EML6: variants seen among roughly 807,000 people sequenced by gnomAD.
The protein encoded by EML6 is echinoderm microtubule-associated protein-like 6.
EML6 carries 154 observed loss-of-function variants against 240.1 expected under a neutral mutation model. That is an observed-to-expected ratio of 0.64 (90% CI 0.56 to 0.73). The LOEUF (loss-of-function observed/expected upper bound fraction) is 0.73, where lower values mean the gene tolerates loss of function less well. Among genes scored for constraint, EML6 ranks in the 30% least tolerant of loss-of-function variants. EML6 has a pLI of 0.00. For synonymous variants in EML6, 1,148 were observed against 899.0 expected, an observed-to-expected ratio of 1.28 and a Z score of -4.95; for missense variants, 2,964 against 2,474.6, an observed-to-expected ratio of 1.20 and a Z score of -4.20.
chr2:54,790,198 T>C (rs1669355717), intron 2 of EML6, among the ~76,000 whole-genome samples: 2 of 152,342 alleles, frequency 1.3e-5, no homozygotes, highest in South Asian at 4.1e-4. Flanking sequence ...TTATTTCTAA[T>C]GAGCCAATTG....
At chr2:54,968,381 A>G in intron 40 of EML6, 100 bp downstream of exon 40, 1 of 1,152,374 alleles carries the variant, frequency 8.7e-7, no homozygotes, top group Admixed American at 2.1e-5. Flanking sequence ...ACACAGAGAA[A>G]CCCTGTCCCG....
At position 54,853,589 on chromosome 2, in the gene EML6, T is replaced by A. The variant is rs549911730; in HGVS notation, c.1445-54T>A. The A allele has an allele frequency of 1.2e-5, 13 of 1,110,730 alleles. No homozygotes were observed. The East Asian group carries it at 3.0e-4, about 26-fold the overall frequency. 68.8% of individuals were successfully genotyped at this position (1,110,730 alleles called of 1,614,324 possible). A position where few individuals can be genotyped will look rare whatever the true frequency, so the allele number is the denominator to read the frequency against. On this transcript the variant is annotated intron_variant, in intron 10 of 41. Transcript: ENST00000356458. ...TAAAGTTTCAGATCTTTATAAAAAATAAATTAGAATAAACTTTTTATTTAA... is the reference window on the plus strand; with the variant it reads ...TAAAGTTTCAGATCTTTATAAAAAAAAAATTAGAATAAACTTTTTATTTAA...
At chr2:54,834,100 A>G (rs1440833365) in intron 7 of EML6, among the ~76,000 whole-genome samples, 1 of 152,160 alleles carries the variant, frequency 6.6e-6, no homozygotes, top group African/African-American at 2.4e-5. Flanking sequence ...AGTGAATATA[A>G]AATTCTGGAA....
rs574981468 is a variant in EML6, at chr2:54,879,665, G to T, written c.2438+25G>T. 434 of 1,333,934 alleles carry T rather than the reference G, an allele frequency of 3.3e-4. 2 individuals are homozygous for T. The highest frequency in any genetic ancestry group is 3.0e-3 in the Middle Eastern group (17 of 5,632). 82.6% of individuals were successfully genotyped at this position (1,333,934 alleles called of 1,614,324 possible). ...GGTAAGAAGCTGCCGGGATCTTACGGTATCCTGCTGATACCACGGTTCAGT... is the reference window on the plus strand; with the variant it reads ...GGTAAGAAGCTGCCGGGATCTTACGTTATCCTGCTGATACCACGGTTCAGT... On this transcript the variant is annotated intron_variant, in intron 17 of 41. Coordinates refer to ENST00000356458, the MANE Select transcript of EML6 (RefSeq NM_001039753.4).
chr2:54,914,303 G>A (rs1673794830), intron 25 of EML6, among the ~76,000 whole-genome samples: 1 of 152,140 alleles, frequency 6.6e-6, no homozygotes, highest in African/African-American at 2.4e-5. Context: ...ATCTATGTGT[G>A]ACTCCATGGC....
chr2:54,896,562 G>C (rs953820281), intron 21 of EML6, among the ~76,000 whole-genome samples: 2 of 152,136 alleles, frequency 1.3e-5, no homozygotes, highest in African/African-American at 2.4e-5. Flanking sequence ...ACCATATTTA[G>C]GTGGAAGAGG....
At chr2:54,829,740 A>G (rs1285752590) in intron 7 of EML6, among the ~76,000 whole-genome samples, 1 of 152,236 alleles carries the variant, frequency 6.6e-6, no homozygotes, top group Admixed American at 6.5e-5. Flanking sequence ...ATTGTCAGTG[A>G]CAAAACTGAG....
chr2:54,786,533 T>A (rs907475406), intron 2 of EML6, among the ~76,000 whole-genome samples: 1 of 152,124 alleles, frequency 6.6e-6, no homozygotes, highest in Non-Finnish European at 1.5e-5. Flanking sequence ...CAGTGGGTTG[T>A]GGTGAAGGAA....
intron 17 of EML6, among the ~76,000 whole-genome samples, chr2:54,890,220 T>C (rs529249661): frequency 2.8e-4 from 42 of 152,234 alleles, no homozygotes; most frequent in Non-Finnish European, 5.0e-4. Context: ...GCCACCCTTG[T>C]GTTTGGTCCT....
At chr2:54,862,216 G>C (rs567118085) in intron 12 of EML6, among the ~76,000 whole-genome samples, 55 of 151,822 alleles carry the variant, frequency 3.6e-4, no homozygotes, top group African/African-American at 1.2e-3. Flanking sequence ...GAGCACATCT[G>C]TAATCCCAGC....
At chr2:54,829,151 A>AT (rs1558585849) in intron 6 of EML6, among the ~76,000 whole-genome samples, 191 bp from the exon 7 acceptor site, 1 of 152,140 alleles carries the variant, frequency 6.6e-6, no homozygotes, top group Non-Finnish European at 1.5e-5. Context: ...TATTATTATG[A>AT]TTTTTTAAAT....
At chr2:54,900,500 C>A (rs1271490291) in intron 22 of EML6, among the ~76,000 whole-genome samples, 2 of 152,178 alleles carry the variant, frequency 1.3e-5, no homozygotes, top group Non-Finnish European at 2.9e-5. Context: ...TCTCACTGGC[C>A]CTGGGCTTGA....
rs1558538591 is a variant in EML6 at position 54,774,143 on chromosome 2, A to C, written c.198-39089A>C. On this transcript the variant is annotated intron_variant, in intron 2 of 41. Coordinates refer to ENST00000356458, the MANE Select transcript of EML6 (RefSeq NM_001039753.4). The surrounding 1 kb of genome is among the most constrained non-coding windows in gnomAD (Gnocchi z 4.1). ...GGCCACACCCAGCAGACTCCAAGGG[A>C]AGCTAGGAAATGTCTTTATTCTTGG... Among the ~76,000 whole-genome samples the C allele has an allele frequency of 6.6e-6, 1 of 152,314 alleles. No individual in the cohort carries two copies. The highest frequency in any genetic ancestry group is 2.1e-4 in the South Asian group (1 of 4,822).
intron 5 of EML6, among the ~76,000 whole-genome samples, chr2:54,823,868 C>CTCTCTCTCTCTCTCTCTCTCTTTCTT (rs1376831009): frequency 1.4e-5 from 2 of 148,128 alleles, no homozygotes; most frequent in African/African-American, 5.2e-5. Context: ...CTCTCTCTCT[C>CTCTCTCTCTCTCTCTCTCTCTTTCTT]TCTCTCTCTT....
chr2:54,800,794 C>G (rs1432369946), intron 2 of EML6, among the ~76,000 whole-genome samples: 1 of 152,078 alleles, frequency 6.6e-6, no homozygotes, highest in Non-Finnish European at 1.5e-5. Context: ...AGAAGGGAGG[C>G]AGAGGTGTTA....
chr2:54,848,800 A>G (rs1050609867), intron 9 of EML6, among the ~76,000 whole-genome samples: 4 of 152,234 alleles, frequency 2.6e-5, no homozygotes, highest in Non-Finnish European at 5.9e-5. Context: ...TCTTAAAAGA[A>G]TCTGGTCAGA....
At chr2:54,893,978 G>A (rs1296812640) in intron 19 of EML6, among the ~76,000 whole-genome samples, 2 of 151,942 alleles carry the variant, frequency 1.3e-5, no homozygotes, top group African/African-American at 4.8e-5. Context: ...CTTGTTGTTT[G>A]GTAAATTAAG....
rs183566474 is a variant in EML6 at position 54,738,816 on chromosome 2, C to G, written c.197+13558C>G. Among the ~76,000 whole-genome samples, 8 of 152,252 alleles carry G rather than the reference C, an allele frequency of 5.3e-5. 1 individual carries two copies. The East Asian group carries it at 1.5e-3, about 29-fold the overall frequency. ...TGTTTATGGGCCTTTGGATGGTTTG[C>G]AGTTTCCTTTGGCTACTCGTACAAG... On this transcript the variant is annotated intron_variant, in intron 2 of 41. Transcript: ENST00000356458.
At chr2:54,939,062 A>G (rs1020378935) in intron 28 of EML6, among the ~76,000 whole-genome samples, 5 of 152,208 alleles carry the variant, frequency 3.3e-5, no homozygotes, top group Non-Finnish European at 5.9e-5. Context: ...CACTTAGTAA[A>G]TGTGTGTTGA....
Sources: gnomAD v4.1 joint callset for allele counts (sites outside exome capture counted in the v4.1 genomes callset) on GRCh38, gnomAD v4.1.1 for gene constraint, Gnocchi (gnomAD v3.1) non-coding constraint, MANE v1.5 for transcripts, NCBI Gene and HGNC (gene_info 2026-07-23, HGNC 2026-07-21) for gene names.